Variants in RGS12 observed in about 807,000 individuals in gnomAD.
RGS12 encodes the protein regulator of G-protein signaling 12.
In RGS12, 66 loss-of-function variants were observed where a neutral mutation model predicts 120.1. That is an observed-to-expected ratio of 0.55 (90% CI 0.45 to 0.67). The LOEUF (loss-of-function observed/expected upper bound fraction) is 0.67. RGS12 is among the 30% of genes least tolerant of loss of function. The probability of loss-of-function intolerance (pLI) is 0.00; values close to 1 mark genes in which losing one functional copy is unlikely to be tolerated. For missense variants in RGS12, 1,859 were observed against 1,957.7 expected (o/e 0.95, Z 0.95); for synonymous variants, 827 against 804.7 (o/e 1.03, Z -0.47).
Position 3,366,232 on chromosome 4 carries a change from G to T in RGS12, c.1999-20184G>T, listed in dbSNP as rs540065680. On this transcript the variant is annotated intron_variant, in intron 3 of 17. Coordinates refer to ENST00000336727, the MANE Select transcript of RGS12 (RefSeq NM_001394154.1). The surrounding 1 kb of genome is among the most constrained non-coding windows in gnomAD (Gnocchi z 4.0). Reference sequence around the variant, plus strand: ...GGCGGGTGCTGGGCAGACTGCAAAGGGTCAGACTGGCATATGGCGGCCAGC... The same window carrying T: ...GGCGGGTGCTGGGCAGACTGCAAAGTGTCAGACTGGCATATGGCGGCCAGC... Among the ~76,000 whole-genome samples the T allele has an allele frequency of 3.3e-5, 5 of 152,094 alleles. No individual in the cohort carries two copies. Among genetic ancestry groups the T allele is most frequent in the Non-Finnish European group, 7.4e-5 (5 of 67,990 alleles).
chr4:3,320,838 C>T (rs1052647402), intron 2 of RGS12, among the ~76,000 whole-genome samples: 10 of 152,124 alleles, frequency 6.6e-5, no homozygotes, highest in Admixed American at 1.3e-4. Flanking sequence ...CGAAGGTGGC[C>T]GTGACCGTCC....
At chr4:3,362,842 TGA>T (rs1715824844) in intron 3 of RGS12, among the ~76,000 whole-genome samples, 3 of 145,060 alleles carry the variant, frequency 2.1e-5, no homozygotes, top group South Asian at 2.2e-4. Flanking sequence ...AGTGTGAGAC[TGA>T]GTGTGAGGGT....
chr4:3,430,174 T>C (rs554874198), intron 16 of RGS12, among the ~76,000 whole-genome samples: 21 of 152,338 alleles, frequency 1.4e-4, no homozygotes, highest in Non-Finnish European at 2.6e-4. Context: ...GCGTGGTTTT[T>C]AGGGAGTACA....
chr4:3,351,284 T>G (rs961310371), intron 3 of RGS12, among the ~76,000 whole-genome samples: 4 of 152,204 alleles, frequency 2.6e-5, no homozygotes, highest in Non-Finnish European at 5.9e-5. Flanking sequence ...TTCTGGCTCT[T>G]AAGTGTCAGA....
chr4:3,309,644 G>C (rs73795505), intron 1 of RGS12, among the ~76,000 whole-genome samples: 12 of 30,800 alleles, frequency 3.9e-4, no homozygotes, highest in African/African-American at 1.0e-3. Context: ...GGAACCGTGT[G>C]GGGGAGGAGC....
intron 17 of RGS12, 177 bp downstream of exon 17, chr4:3,431,132 G>A (rs1352169281): frequency 1.4e-6 from 2 of 1,431,288 alleles, no homozygotes; most frequent in African/African-American, 2.9e-5. Context: ...GGCTCGTGTG[G>A]CCCCAGGCCA....
intron 3 of RGS12, among the ~76,000 whole-genome samples, chr4:3,352,334 G>A (rs892120568): frequency 6.6e-6 from 1 of 152,160 alleles, no homozygotes; most frequent in African/African-American, 2.4e-5. Flanking sequence ...GGGCAGAAGA[G>A]GCGAGTCATG....
chr4:3,295,823 T>C (rs1321158656), intron 1 of RGS12, among the ~76,000 whole-genome samples: 1 of 152,232 alleles, frequency 6.6e-6, no homozygotes, highest in Non-Finnish European at 1.5e-5. Flanking sequence ...TTTTACATTT[T>C]ATTTGAATTT....
chr4:3,311,047 C>G (rs989326148), intron 1 of RGS12, among the ~76,000 whole-genome samples: 4 of 152,210 alleles, frequency 2.6e-5, no homozygotes, highest in Admixed American at 2.6e-4. Flanking sequence ...ATGCGCTGCA[C>G]AGCAAGTCCT....
chr4:3,419,977 T>C (rs993109890), intron 9 of RGS12, among the ~76,000 whole-genome samples: 1 of 152,148 alleles, frequency 6.6e-6, no homozygotes, highest in Non-Finnish European at 1.5e-5. Flanking sequence ...TGCCTTCCCC[T>C]CTCTCCTCAG....
At chr4:3,371,438 G>A (rs771159510) in intron 3 of RGS12, among the ~76,000 whole-genome samples, 1 of 152,228 alleles carries the variant, frequency 6.6e-6, no homozygotes, top group Non-Finnish European at 1.5e-5. Context: ...TTTCATCTCA[G>A]TGTATATCCA....
In RGS12 at chr4:3,409,672, G is replaced by A. The variant is rs80071006; in HGVS notation, c.2021-4400G>A. On this transcript the variant is annotated intron_variant, in intron 4 of 17. Transcript: ENST00000336727. ...GGGAGAGGCCCATCTCCCCTCCACC[G>A]GCAGCAAGGGAGGCAGACGGTTCAC... Among the ~76,000 whole-genome samples the A allele has an allele frequency of 6.5e-4, 99 of 152,348 alleles. No individual in the cohort carries two copies. In the East Asian group the frequency reaches 0.012, roughly 18 times the overall value.
chr4:3,353,894 G>T (rs1169268472), intron 3 of RGS12, among the ~76,000 whole-genome samples: 2 of 152,094 alleles, frequency 1.3e-5, no homozygotes, highest in East Asian at 3.8e-4. Flanking sequence ...AAACCAGAAA[G>T]CTCTGGGCAC....
chr4:3,422,336 C>G, intron 10 of RGS12, 40 bp from the exon 11 acceptor site: 1 of 1,570,260 alleles, frequency 6.4e-7, no homozygotes, highest in South Asian at 1.2e-5. Flanking sequence ...ACCCCTGTGA[C>G]GCTGGTTCCC....
rs368689404 is a variant in RGS12 at position 3,430,521 on chromosome 4, C to T, written c.3680C>T (p.Thr1227Ile). The T allele has an allele frequency of 6.2e-7, 1 of 1,613,568 alleles. No individual in the cohort carries two copies. Among genetic ancestry groups the T allele is most frequent in the Non-Finnish European group, 8.5e-7 (1 of 1,180,030 alleles). ...TTCCTCCGTTTACCTCCTGGTTCCA[C>T]AGAACTCACCCTCCCCACTCCAGCT... is the stretch of plus-strand genomic sequence containing the variant. ...PEFLRLPPGS[T>I]ELTLPTPAAV... The change falls in exon 17 of 18, where the codon ACA (threonine) becomes ATA (isoleucine). Residue 1227 changes from threonine (T) to isoleucine (I), a missense_variant. This residue lies in a region of RGS12 where 517 missense variants were observed against 488.5 expected (regional missense o/e 1.06). Coordinates refer to ENST00000336727, the MANE Select transcript of RGS12 (RefSeq NM_001394154.1).
At chr4:3,439,364 T>C (rs1332812555) in intron 17 of RGS12, 91 bp from the exon 18 acceptor site, 1 of 1,263,888 alleles carries the variant, frequency 7.9e-7, no homozygotes, top group Non-Finnish European at 1.2e-6. Context: ...CCTACCATGC[T>C]GTCTGTGCAG....
chr4:3,288,000 G>A, the RGS12 span, among the ~76,000 whole-genome samples: 24 of 152,330 alleles, frequency 1.6e-4, no homozygotes, highest in African/African-American at 4.3e-4. Context: ...GCTTCCCAGC[G>A]TCAGCGCCAG....
At chr4:3,370,258 G>A (rs1490150128) in intron 3 of RGS12, 2 of 1,613,968 alleles carry the variant, frequency 1.2e-6, no homozygotes, top group East Asian at 2.2e-5. Context: ...GTGTGGCTCG[G>A]TGCCTTACAA....
chr4:3,383,603 A>G (rs1718494654), intron 3 of RGS12, among the ~76,000 whole-genome samples: 1 of 150,310 alleles, frequency 6.7e-6, no homozygotes, highest in Non-Finnish European at 1.5e-5. Flanking sequence ...GAGACTGTCA[A>G]AAAAAAAAAG....
Sources: gnomAD v4.1 joint callset for allele counts (sites outside exome capture counted in the v4.1 genomes callset) on GRCh38, gnomAD v4.1.1 for gene constraint, gnomAD v4.1.1 regional missense constraint, Gnocchi (gnomAD v3.1) non-coding constraint, MANE v1.5 for transcripts, NCBI Gene and HGNC (gene_info 2026-07-23, HGNC 2026-07-21) for gene names.